The following FAM117A variants were observed in gnomAD, a reference collection of about 807,000 sequenced individuals.
FAM117A encodes the protein protein FAM117A.
A neutral mutation model predicts 44.1 loss-of-function variants in FAM117A; 21 were observed. The ratio of observed to expected loss-of-function variants is 0.48; its 90% CI spans 0.34 to 0.69. The LOEUF (loss-of-function observed/expected upper bound fraction) is 0.69, where lower values mean the gene tolerates loss of function less well. Ranked by LOEUF, FAM117A falls within the 30% of genes least tolerant of loss-of-function variation. The probability of loss-of-function intolerance (pLI) is 0.01; values close to 1 mark genes in which losing one functional copy is unlikely to be tolerated. For synonymous variants in FAM117A, 220 were observed against 238.3 expected, an observed-to-expected ratio of 0.92 and a Z score of 0.71; for missense variants, 498 against 589.9, an observed-to-expected ratio of 0.84 and a Z score of 1.61.
In FAM117A at chr17:49,722,448, G is replaced by A. The variant is rs1162513237; in HGVS notation, c.462+51C>T. ...AGCAGATGCATTGCATGGTACTAGGGGATCGAGAAGAAGCCGCTACCCTAG... is the reference window on the plus strand; with the variant it reads ...AGCAGATGCATTGCATGGTACTAGGAGATCGAGAAGAAGCCGCTACCCTAG... On this transcript the variant is annotated intron_variant, in intron 3 of 7. Transcript: ENST00000240364. 2.1e-6 allele frequency: 3 copies of A among 1,450,784 alleles called. No homozygotes were observed. In the African/African-American group the frequency reaches 4.2e-5, roughly 20 times the overall value. The allele number at this position is 1,450,784 out of a possible 1,614,324, so 89.9% of individuals were successfully genotyped here.
At chr17:49,720,263 G>C in intron 4 of FAM117A, 63 bp downstream of exon 4, 1 of 1,301,528 alleles carries the variant, frequency 7.7e-7, no homozygotes, top group Admixed American at 1.8e-5. Context: ...GGAAACCTCT[G>C]CCCATATAGG....
intron 7 of FAM117A, among the ~76,000 whole-genome samples, chr17:49,715,379 A>G (rs1221900922): frequency 6.6e-6 from 1 of 152,094 alleles, no homozygotes; most frequent in Non-Finnish European, 1.5e-5. Context: ...TCACTCACAC[A>G]CCATGACTAA....
At chr17:49,788,846 G>A (rs1463542225), upstream of FAM117A, 4 of 1,589,944 alleles carry the variant, frequency 2.5e-6, no homozygotes, top group Non-Finnish European at 2.6e-6. Flanking sequence ...TGCCGCGAAG[G>A]AAGGTGAGAA....
chr17:49,786,332 G>A (rs867413751), intron 1 of FAM117A, among the ~76,000 whole-genome samples: 23 of 152,298 alleles, frequency 1.5e-4, no homozygotes, highest in African/African-American at 5.3e-4. Context: ...TGCAAGTCAG[G>A]ATAAGATCTT....
intron 1 of FAM117A, among the ~76,000 whole-genome samples, chr17:49,780,890 G>A (rs906050794): frequency 4.6e-5 from 7 of 152,154 alleles, no homozygotes; most frequent in African/African-American, 1.7e-4. Flanking sequence ...GAGTGGAATG[G>A]CACAATCTCG....
upstream of FAM117A, among the ~76,000 whole-genome samples, chr17:49,764,335 T>G (rs961903916): frequency 1.3e-5 from 2 of 152,026 alleles, no homozygotes; most frequent in African/African-American, 2.4e-5. Context: ...CCCCCTTCGG[T>G]TTTCCAACAT....
At chr17:49,716,129 C>CA in intron 7 of FAM117A, 36 bp downstream of exon 7, 1 of 1,519,828 alleles carries the variant, frequency 6.6e-7, no homozygotes, top group Non-Finnish European at 9.1e-7. Context: ...TAGGCCCACC[C>CA]TCCCCTCCCA....
chr17:49,721,926 TAAA>T (rs55897746), intron 3 of FAM117A, among the ~76,000 whole-genome samples: 1 of 140,356 alleles, frequency 7.1e-6, no homozygotes. Context: ...CCATCTCTAC[TAAA>T]AAAAAAAAAA....
Position 49,764,083 on chromosome 17 carries a change from G to C in FAM117A, c.5C>G (p.Ala2Gly), listed in dbSNP as rs761288873. The change falls in exon 1 of 8, where the codon GCG (alanine) becomes GGG (glycine). Residue 2 changes from alanine (A) to glycine (G), a missense_variant. Around this residue, in one of 3 missense-constraint regions of FAM117A, gnomAD observed 270 missense variants for 277.4 expected, o/e 0.97. Coordinates refer to ENST00000240364, the MANE Select transcript of FAM117A (RefSeq NM_030802.4). Reference protein sequence around the residue: MAGAAAGGRGGG... With the variant: MGGAAAGGRGGG... ...GCCTCTGCCGCCCGCTGCGGCCCCCGCCATGGCTCTCCCGGCTGCCTGCCT... is the reference window on the plus strand; with the variant it reads ...GCCTCTGCCGCCCGCTGCGGCCCCCCCCATGGCTCTCCCGGCTGCCTGCCT... 9.1e-7 allele frequency: 1 copy of C among 1,099,790 alleles called. No individual in the cohort carries two copies. Among genetic ancestry groups the C allele is most frequent in the South Asian group, 3.6e-5 (1 of 28,010 alleles). 68.1% of individuals were successfully genotyped at this position (1,099,790 alleles called of 1,614,324 possible). A position where few individuals can be genotyped will look rare whatever the true frequency, so the allele number is the denominator to read the frequency against.
chr17:49,722,768 C>A (rs1422328901), intron 2 of FAM117A, among the ~76,000 whole-genome samples, 174 bp from the exon 3 acceptor site: 4 of 152,212 alleles, frequency 2.6e-5, no homozygotes, highest in Non-Finnish European at 5.9e-5. Flanking sequence ...GCACTCCCTC[C>A]TTCCCAGTTC....
At chr17:49,717,870 A>C in intron 5 of FAM117A, 156 bp from the exon 6 acceptor site, 1 of 610,688 alleles carries the variant, frequency 1.6e-6, no homozygotes, top group Non-Finnish European at 2.8e-6. Context: ...TTCCCTGGCC[A>C]CCCTTCAATC....
In FAM117A at chr17:49,750,348, A is replaced by G. The variant is rs2073671387; in HGVS notation, c.196+13544T>C. Among the ~76,000 whole-genome samples the G allele has an allele frequency of 1.3e-5, 2 of 148,998 alleles. 1 individual carries two copies. Among genetic ancestry groups the G allele is most frequent in the Non-Finnish European group, 3.0e-5 (2 of 66,152 alleles). On this transcript the variant is annotated intron_variant, in intron 1 of 7. Coordinates refer to ENST00000240364, the MANE Select transcript of FAM117A (RefSeq NM_030802.4). ...TTCTATTTGAAAAGAACAGGGAACT[A>G]CTGGAGGAGGGGAGGATCAAGATGA...
chr17:49,769,063 A>G (rs899976641), upstream of FAM117A, among the ~76,000 whole-genome samples: 3 of 152,170 alleles, frequency 2.0e-5, no homozygotes, highest in Admixed American at 2.0e-4. Flanking sequence ...TGGGAGGCTG[A>G]GGCGGGCAGA....
At chr17:49,761,004 A>T (rs191721848) in intron 1 of FAM117A, among the ~76,000 whole-genome samples, 4 of 152,368 alleles carry the variant, frequency 2.6e-5, no homozygotes, top group Non-Finnish European at 5.9e-5. Flanking sequence ...TTACGAAGAC[A>T]TACCTTATGA....
intron 1 of FAM117A, among the ~76,000 whole-genome samples, chr17:49,752,176 A>G (rs1267346656): frequency 6.6e-6 from 1 of 152,132 alleles, no homozygotes; most frequent in Non-Finnish European, 1.5e-5. Flanking sequence ...AACCTCCAAG[A>G]AGTCAATTAT....
intron 1 of FAM117A, among the ~76,000 whole-genome samples, chr17:49,784,109 C>T (rs2073798281): frequency 6.6e-6 from 1 of 152,220 alleles, no homozygotes. Context: ...CAATGAACAA[C>T]TACATTTTGT....
upstream of FAM117A, among the ~76,000 whole-genome samples, chr17:49,766,945 C>T (rs536822076): frequency 3.6e-4 from 55 of 152,152 alleles, no homozygotes; most frequent in African/African-American, 1.1e-3. Context: ...AGAACCTGGA[C>T]GGTAGAAAAA....
chr17:49,755,936 T>G lies in FAM117A; in HGVS notation c.196+7956A>C, dbSNP rs574299787. Among the ~76,000 whole-genome samples the G allele has an allele frequency of 3.9e-5, 6 of 152,242 alleles. No individual in the cohort carries two copies. The East Asian group carries it at 1.2e-3, about 29-fold the overall frequency. ...CCTGGTCCTCCCTCTGCAAAAACAC[T>G]CAAATCTGTTCAAGCTGCAGGGTGA... On this transcript the variant is annotated intron_variant, in intron 1 of 7. Coordinates refer to ENST00000240364, the MANE Select transcript of FAM117A (RefSeq NM_030802.4).
intron 1 of FAM117A, among the ~76,000 whole-genome samples, chr17:49,780,294 G>A (rs1480656682): frequency 6.6e-6 from 1 of 152,164 alleles, no homozygotes; most frequent in Non-Finnish European, 1.5e-5. Flanking sequence ...TCCTCCTGAG[G>A]TTGACTAGTT....
Sources: gnomAD v4.1 joint callset for allele counts (sites outside exome capture counted in the v4.1 genomes callset) on GRCh38, gnomAD v4.1.1 for gene constraint, gnomAD v4.1.1 regional missense constraint, MANE v1.5 for transcripts, NCBI Gene and HGNC (gene_info 2026-07-23, HGNC 2026-07-21) for gene names.